Variants in NHLRC2 observed in about 807,000 individuals in gnomAD.
The protein encoded by NHLRC2 is NHL repeat-containing protein 2.
A neutral mutation model predicts 68.1 loss-of-function variants in NHLRC2; 33 were observed. The ratio of observed to expected loss-of-function variants is 0.48; its 90% CI spans 0.37 to 0.65. The LOEUF (loss-of-function observed/expected upper bound fraction) is 0.65, where lower values mean the gene tolerates loss of function less well. NHLRC2 is among the 30% of genes least tolerant of loss of function. NHLRC2 has a pLI of 0.00. For missense variants in NHLRC2, 761 were observed against 853.8 expected, an observed-to-expected ratio of 0.89 and a Z score of 1.35; for synonymous variants, 311 against 309.6, an observed-to-expected ratio of 1.00 and a Z score of -0.05.
chr10:113,883,162 A>G (rs115399345), intron 4 of NHLRC2, among the ~76,000 whole-genome samples: 2,220 of 151,962 alleles, frequency 0.015, 60 homozygotes, highest in African/African-American at 0.051. Flanking sequence ...GCAATTTGAT[A>G]AGAATTTTAG....
At position 113,913,377 on chromosome 10, in the gene NHLRC2, T is replaced by G. The variant is rs1348392703; in HGVS notation, c.*4841T>G. Reference sequence around the variant, plus strand: ...ATCCATTTAATTATACAACTTTGCATTATATACTGTTATTCAGACCTTGGA... The same window carrying G: ...ATCCATTTAATTATACAACTTTGCAGTATATACTGTTATTCAGACCTTGGA... On this transcript the variant is annotated 3_prime_UTR_variant, in exon 11 of 11. Transcript: ENST00000369301. 2 of 152,246 alleles carry G rather than the reference T, an allele frequency of 1.3e-5. No individual in the cohort carries two copies. The highest frequency in any genetic ancestry group is 4.8e-5 in the African/African-American group (2 of 41,462). 9.4% of individuals were successfully genotyped at this position (152,246 alleles called of 1,614,324 possible). A position where few individuals can be genotyped will look rare whatever the true frequency, so the allele number is the denominator to read the frequency against.
At chr10:113,888,214 T>A (rs2134720997) in intron 5 of NHLRC2, among the ~76,000 whole-genome samples, 1 of 152,240 alleles carries the variant, frequency 6.6e-6, no homozygotes, top group East Asian at 1.9e-4. Context: ...AAGTTTCAAT[T>A]GGAGGAATAA....
At chr10:113,880,476 C>CT (rs1363233167) in intron 4 of NHLRC2, among the ~76,000 whole-genome samples, 1 of 151,680 alleles carries the variant, frequency 6.6e-6, no homozygotes, top group Non-Finnish European at 1.5e-5. Context: ...AACCATTGGT[C>CT]TTTAAGTTGC....
In NHLRC2 at chr10:113,913,874, G is replaced by C. The variant is rs1295210795; in HGVS notation, c.*5338G>C. The C allele has an allele frequency of 7.2e-6, 1 of 139,474 alleles. No homozygotes were observed. The highest frequency in any genetic ancestry group is 1.5e-5 in the Non-Finnish European group (1 of 65,798). The allele number at this position is 139,474 out of a possible 1,614,324, so 8.6% of individuals were successfully genotyped here. A position where few individuals can be genotyped will look rare whatever the true frequency, so the allele number is the denominator to read the frequency against. On this transcript the variant is annotated 3_prime_UTR_variant, in exon 11 of 11. Transcript: ENST00000369301. ...TTTTTTTTTTTTTTTTTGAGATGGA[G>C]TCTCACTCTGTCACCCAGGCTGGAG...
chr10:113,901,165 A>C (rs1263215766), intron 6 of NHLRC2, among the ~76,000 whole-genome samples: 1 of 152,206 alleles, frequency 6.6e-6, no homozygotes, highest in East Asian at 1.9e-4. Context: ...TGACCTGGCC[A>C]ACTTTCAAAA....
intron 1 of NHLRC2, among the ~76,000 whole-genome samples, chr10:113,856,701 T>C (rs1273050264): frequency 1.3e-5 from 2 of 152,020 alleles, no homozygotes; most frequent in Admixed American, 6.6e-5. Flanking sequence ...TAAAAAAACA[T>C]ATAATAAAAT....
intron 6 of NHLRC2, 25 bp from the exon 7 acceptor site, chr10:113,901,641 C>T (rs1251375908): frequency 1.4e-6 from 2 of 1,442,572 alleles, no homozygotes; most frequent in South Asian, 2.3e-5. Context: ...CATGTTGACT[C>T]CACCTATGAA....
chr10:113,864,890 A>G (rs576354430), intron 2 of NHLRC2, among the ~76,000 whole-genome samples: 8 of 151,958 alleles, frequency 5.3e-5, no homozygotes, highest in South Asian at 2.1e-4. Context: ...TAATCTTGAA[A>G]TCAGCCATAG....
chr10:113,889,119 G>A (rs560582681), intron 5 of NHLRC2, among the ~76,000 whole-genome samples: 9 of 152,108 alleles, frequency 5.9e-5, no homozygotes, highest in East Asian at 3.9e-4. Context: ...GAGCCACTGC[G>A]CCCAGCCAAA....
Position 113,908,545 on chromosome 10 carries a change from C to T in NHLRC2, c.*9C>T. The T allele has an allele frequency of 6.2e-7, 1 of 1,613,522 alleles. No individual in the cohort carries two copies. Among genetic ancestry groups the T allele is most frequent in the African/African-American group, 1.3e-5 (1 of 75,038 alleles). The stretch of plus-strand genomic sequence containing the variant: ...TCAGGTATGTATTTTAGCCAGCCAG[C>T]TAGCTAGCAACCCATTGCCACCACC... On this transcript the variant is annotated 3_prime_UTR_variant, in exon 11 of 11. Coordinates refer to ENST00000369301, the MANE Select transcript of NHLRC2 (RefSeq NM_198514.4).
chr10:113,878,311 T>C (rs2134708965), intron 3 of NHLRC2, among the ~76,000 whole-genome samples: 1 of 152,286 alleles, frequency 6.6e-6, no homozygotes, highest in East Asian at 1.9e-4. Context: ...AACACAATAA[T>C]AGTATTATTA....
intron 9 of NHLRC2, among the ~76,000 whole-genome samples, chr10:113,904,099 T>G (rs1056582964): frequency 4.4e-5 from 6 of 137,592 alleles, no homozygotes; most frequent in East Asian, 2.1e-4. Flanking sequence ...ATTGTTTTTG[T>G]TTTTTTTTTT....
intron 2 of NHLRC2, among the ~76,000 whole-genome samples, chr10:113,859,479 GA>G (rs1845795560): frequency 6.6e-6 from 1 of 152,114 alleles, no homozygotes; most frequent in Non-Finnish European, 1.5e-5. Flanking sequence ...AGGATATTCT[GA>G]AACTTAACTT....
chr10:113,872,988 C>G (rs955108155), intron 2 of NHLRC2, among the ~76,000 whole-genome samples: 20 of 152,154 alleles, frequency 1.3e-4, no homozygotes, highest in African/African-American at 4.3e-4. Flanking sequence ...TGACCCAGAA[C>G]AGTCCAAGAA....
chr10:113,895,326 CTG>C (rs924666297), intron 5 of NHLRC2, among the ~76,000 whole-genome samples: 5 of 152,170 alleles, frequency 3.3e-5, no homozygotes, highest in African/African-American at 1.2e-4. Flanking sequence ...GCTAATAAAA[CTG>C]TGAATAAAAC....
Position 113,907,168 on chromosome 10 carries a change from C to G in NHLRC2, c.1925-1112C>G, listed in dbSNP as rs185020641. Among the ~76,000 whole-genome samples, 415 of 152,278 alleles carry G rather than the reference C, an allele frequency of 2.7e-3. 2 individuals are homozygous for G. The highest frequency in any genetic ancestry group is 9.7e-3 in the African/African-American group (404 of 41,558). ...AGTTTTGTACTTATCTCTCTAGATT[C>G]TTATCTTTCACCTTCGTACTCTTAT... On this transcript the variant is annotated intron_variant, in intron 10 of 10. Coordinates refer to ENST00000369301, the MANE Select transcript of NHLRC2 (RefSeq NM_198514.4).
intron 2 of NHLRC2, 76 bp downstream of exon 2, chr10:113,858,756 T>TA (rs1845787351): frequency 1.0e-6 from 1 of 1,000,578 alleles, no homozygotes; most frequent in African/African-American, 1.6e-5. Context: ...CATTAGCTCA[T>TA]AGGAGAATGA....
chr10:113,876,664 G>A lies in NHLRC2; in HGVS notation c.475G>A (p.Val159Ile). 3 of 1,613,936 alleles carry A rather than the reference G, an allele frequency of 1.9e-6. No individual in the cohort carries two copies. Among genetic ancestry groups the A allele is most frequent in the Non-Finnish European group, 2.5e-6 (3 of 1,179,920 alleles). ...ADASLWQELE[V>I]SCWPTLVILG... ...TGCCAGCCTTTGGCAAGAACTAGAA[G>A]TTTCCTGCTGGCCAACTCTAGTCAT... Residue 159 changes from valine to isoleucine, a missense_variant, in exon 3 of 11, where the codon GTT becomes ATT. Coordinates refer to ENST00000369301, the MANE Select transcript of NHLRC2 (RefSeq NM_198514.4).
Position 113,908,425 on chromosome 10 carries a change from T to C in NHLRC2, c.2070T>C (p.Ser690=), listed in dbSNP as rs200023698. ...TCAGTGTGTTTCTTTATTACTGTAG[T>C]GCAGACAGCAGTGCTTGTATGATGA... ...VSVSVFLYYC[S]ADSSACMMKA... The change falls in exon 11 of 11, where the codon AGT becomes AGC. Residue 690 remains serine, a synonymous_variant. Transcript: ENST00000369301. 13 of 1,613,950 alleles carry C rather than the reference T, an allele frequency of 8.1e-6. No homozygotes were observed. The highest frequency in any genetic ancestry group is 1.7e-5 in the Admixed American group (1 of 60,010).
Sources: gnomAD v4.1 joint callset for allele counts (sites outside exome capture counted in the v4.1 genomes callset) on GRCh38, gnomAD v4.1.1 for gene constraint, MANE v1.5 for transcripts, NCBI Gene and HGNC (gene_info 2026-07-23, HGNC 2026-07-21) for gene names.